SLC16A9: variants seen among roughly 807,000 people sequenced by gnomAD.
SLC16A9 encodes monocarboxylate transporter 9.
A neutral mutation model predicts 44.3 loss-of-function variants in SLC16A9; 26 were observed. The observed-to-expected ratio is 0.59, with a 90% CI of 0.43 to 0.81. The LOEUF (loss-of-function observed/expected upper bound fraction) is 0.81. Among genes scored for constraint, SLC16A9 ranks in the 40% least tolerant of loss-of-function variants. SLC16A9 has a pLI of 0.00. For missense variants in SLC16A9, 559 were observed against 595.8 expected (o/e 0.94, Z 0.64); for synonymous variants, 230 against 225.1 (o/e 1.02, Z -0.19).
At chr10:59,679,170 A>C (rs944051135) in intron 2 of SLC16A9, among the ~76,000 whole-genome samples, 1 of 99,644 alleles carries the variant, frequency 1.0e-5, no homozygotes, top group African/African-American at 3.3e-5. Flanking sequence ...CTGCTGTTTC[A>C]GCACTTGGGT....
At chr10:59,696,469 A>G (rs1203365153) in intron 1 of SLC16A9, among the ~76,000 whole-genome samples, 1 of 152,168 alleles carries the variant, frequency 6.6e-6, no homozygotes, top group African/African-American at 2.4e-5. Flanking sequence ...TCCACCTCCC[A>G]GCTGCCTGCC....
chr10:59,658,195 C>T (rs1050068490), intron 4 of SLC16A9, among the ~76,000 whole-genome samples: 32 of 151,924 alleles, frequency 2.1e-4, no homozygotes, highest in African/African-American at 7.8e-4. Context: ...ATTCTTGAAT[C>T]CACCTACAAC....
chr10:59,701,705 G>A (rs1361755814), intron 1 of SLC16A9, among the ~76,000 whole-genome samples: 1 of 152,168 alleles, frequency 6.6e-6, no homozygotes, highest in African/African-American at 2.4e-5. Flanking sequence ...ATGCTAGGAT[G>A]TCCAACAAAT....
intron 3 of SLC16A9, among the ~76,000 whole-genome samples, chr10:59,668,455 G>A (rs185771181): frequency 6.6e-6 from 1 of 152,194 alleles, no homozygotes; most frequent in East Asian, 1.9e-4. Context: ...TAAGCATGAA[G>A]CCTCCACCCT....
intron 4 of SLC16A9, among the ~76,000 whole-genome samples, chr10:59,662,252 T>C (rs1210053324): frequency 6.6e-6 from 1 of 151,038 alleles, no homozygotes; most frequent in Non-Finnish European, 1.5e-5. Flanking sequence ...AAAGGGCTAG[T>C]ATCCAGAATC....
At chr10:59,672,642 G>T in intron 3 of SLC16A9, 128 bp downstream of exon 3, 1 of 959,128 alleles carries the variant, frequency 1.0e-6, no homozygotes. Context: ...TTGGAGAAGT[G>T]GTTATTGAAA....
intron 4 of SLC16A9, among the ~76,000 whole-genome samples, chr10:59,659,091 A>T (rs1277591574): frequency 6.6e-6 from 1 of 152,232 alleles, no homozygotes; most frequent in Non-Finnish European, 1.5e-5. Context: ...ACATAACTTT[A>T]AAAAATTCAT....
chr10:59,664,126 T>C, intron 4 of SLC16A9, 101 bp downstream of exon 4: 1 of 560,182 alleles, frequency 1.8e-6, no homozygotes. Flanking sequence ...ACCTGATTGG[T>C]AGCTGGGTAA....
At chr10:59,661,074 T>C (rs563114759) in intron 4 of SLC16A9, among the ~76,000 whole-genome samples, 31 of 152,336 alleles carry the variant, frequency 2.0e-4, no homozygotes, top group Admixed American at 6.5e-4. Context: ...GCTGGAAGCA[T>C]TCCCTTTGAA....
intron 3 of SLC16A9, 115 bp downstream of exon 3, chr10:59,672,654 TA>T: frequency 3.7e-6 from 4 of 1,066,692 alleles, no homozygotes; most frequent in Non-Finnish European, 5.3e-6. Flanking sequence ...TTATTGAAAG[TA>T]AATTATTAGT....
In SLC16A9 at chr10:59,672,831, C is replaced by T; in HGVS notation, c.279G>A (p.Leu93=). The change falls in exon 3 of 6, where the codon CTG becomes CTA. Residue 93 remains leucine, a synonymous_variant. Transcript: ENST00000395348. ...TATTGGGAGCAAAACTGCTCAACAT[C>T]AGGCCTCCAGCCACCATGAAGCCAC... The part of the protein sequence containing the change: ...IFSGFMVAGG[L]MLSSFAPNIY... 6.2e-7 allele frequency: 1 copy of T among 1,613,802 alleles called. No individual in the cohort carries two copies.
chr10:59,659,499 G>T (rs1460675152), intron 4 of SLC16A9, among the ~76,000 whole-genome samples: 1 of 152,080 alleles, frequency 6.6e-6, no homozygotes. Context: ...TATTCATAAA[G>T]CAAGTTCTTA....
chr10:59,669,460 A>G (rs1287331031), intron 3 of SLC16A9, among the ~76,000 whole-genome samples: 1 of 152,240 alleles, frequency 6.6e-6, no homozygotes, highest in African/African-American at 2.4e-5. Flanking sequence ...AAGTTCTTGC[A>G]TAACTCAGCA....
intron 4 of SLC16A9, 102 bp from the exon 5 acceptor site, chr10:59,654,691 T>C (rs571005294): frequency 6.9e-5 from 60 of 865,386 alleles, no homozygotes; most frequent in African/African-American, 6.8e-4. Flanking sequence ...GGCATTTATA[T>C]GTAACTTCAT....
chr10:59,701,487 C>A (rs1265384360), intron 1 of SLC16A9, among the ~76,000 whole-genome samples: 3 of 152,170 alleles, frequency 2.0e-5, no homozygotes, highest in Admixed American at 1.3e-4. Flanking sequence ...TCATTAATTA[C>A]AAAAGGACAC....
intron 1 of SLC16A9, among the ~76,000 whole-genome samples, chr10:59,689,632 C>A (rs530806689): frequency 6.6e-6 from 1 of 152,314 alleles, no homozygotes; most frequent in South Asian, 2.1e-4. Context: ...GATACCGAAG[C>A]CTGGTTTCTC....
rs1474808898 is a variant in SLC16A9, at chr10:59,651,398, T to C, written c.*1374A>G. ...CTGACCTCTTGGGTTTTAAAAAAAT[T>C]ATTATTTAAAAGAATAAATGTTTTT... On this transcript the variant is annotated 3_prime_UTR_variant, in exon 6 of 6. Transcript: ENST00000395348. 6.6e-6 allele frequency: 1 copy of C among 152,206 alleles called. No individual in the cohort carries two copies. Among genetic ancestry groups the C allele is most frequent in the Non-Finnish European group, 1.5e-5 (1 of 68,040 alleles). The allele number at this position is 152,206 out of a possible 1,614,324, so 9.4% of individuals were successfully genotyped here. A position where few individuals can be genotyped will look rare whatever the true frequency, so the allele number is the denominator to read the frequency against.
intron 4 of SLC16A9, among the ~76,000 whole-genome samples, chr10:59,661,964 C>T (rs1167223341): frequency 6.6e-6 from 1 of 152,148 alleles, no homozygotes; most frequent in Non-Finnish European, 1.5e-5. Context: ...CCCTTCCTTA[C>T]ACCTTATATA....
intron 1 of SLC16A9, among the ~76,000 whole-genome samples, chr10:59,701,118 A>G (rs558237446): frequency 5.9e-5 from 9 of 152,302 alleles, no homozygotes; most frequent in African/African-American, 2.2e-4. Flanking sequence ...TTTACCTGGA[A>G]AACTGTCATG....
Sources: gnomAD v4.1 joint callset for allele counts (sites outside exome capture counted in the v4.1 genomes callset) on GRCh38, gnomAD v4.1.1 for gene constraint, MANE v1.5 for transcripts, NCBI Gene and HGNC (gene_info 2026-07-23, HGNC 2026-07-21) for gene names.